RABEP1: variants seen among roughly 807,000 people sequenced by gnomAD.
RABEP1 encodes the protein rabaptin, RAB GTPase binding effector protein 1, also known as rab GTPase-binding effector protein 1.
RABEP1 carries 51 observed loss-of-function variants against 123.4 expected under a neutral mutation model. The observed-to-expected ratio is 0.41, with a 90% CI of 0.33 to 0.52. The LOEUF (loss-of-function observed/expected upper bound fraction) is 0.52, where lower values mean the gene tolerates loss of function less well. Among genes scored for constraint, RABEP1 ranks in the 20% least tolerant of loss-of-function variants. RABEP1 has a pLI of 0.16. For synonymous variants in RABEP1, 347 were observed against 355.2 expected (o/e 0.98, Z 0.26); for missense variants, 888 against 996.3 (o/e 0.89, Z 1.46).
At chr17:5,357,062 G>C (rs143116878) in intron 8 of RABEP1, among the ~76,000 whole-genome samples, 1 of 151,890 alleles carries the variant, frequency 6.6e-6, no homozygotes, top group Non-Finnish European at 1.5e-5. Context: ...ATTTTTAGTA[G>C]AGATGGGGTT....
At chr17:5,319,058 G>A (rs1000131992) in intron 2 of RABEP1, among the ~76,000 whole-genome samples, 7 of 152,046 alleles carry the variant, frequency 4.6e-5, no homozygotes, top group African/African-American at 1.7e-4. Context: ...TAGGCCGGGC[G>A]TGGTGGCTCA....
chr17:5,344,108 TAAG>T (rs1907861213), intron 5 of RABEP1, among the ~76,000 whole-genome samples: 1 of 152,190 alleles, frequency 6.6e-6, no homozygotes. Flanking sequence ...CTACAGACTA[TAAG>T]AAGATATCAA....
At chr17:5,367,529 A>G (rs1386647769) in intron 11 of RABEP1, among the ~76,000 whole-genome samples, 1 of 151,548 alleles carries the variant, frequency 6.6e-6, no homozygotes, top group Non-Finnish European at 1.5e-5. Context: ...TCGGCCTCCC[A>G]AAGTGCTAGG....
chr17:5,350,688 A>G (rs76696724), intron 7 of RABEP1, 59 bp downstream of exon 7: 33,942 of 1,557,712 alleles, frequency 0.022, 450 homozygotes, highest in Non-Finnish European at 0.027. Context: ...ACCACATGTG[A>G]TTGCATTACC....
chr17:5,375,718 AAAAG>A (rs949397216), intron 13 of RABEP1, among the ~76,000 whole-genome samples: 4 of 152,022 alleles, frequency 2.6e-5, no homozygotes, highest in Admixed American at 2.6e-4. Context: ...ATTAAAAAAA[AAAAG>A]GTTTTGGGAA....
chr17:5,362,751 T>G (rs760984274), intron 9 of RABEP1, among the ~76,000 whole-genome samples, 161 bp from the exon 10 acceptor site: 13 of 152,354 alleles, frequency 8.5e-5, no homozygotes, highest in Middle Eastern at 3.4e-3. Context: ...GTTTGATTTT[T>G]TAGAATCTGA....
At position 5,311,524 on chromosome 17, in the gene RABEP1, GTC is replaced by G. The variant is rs1214921743; in HGVS notation, c.163+2706_163+2707del. 7.9e-5 allele frequency among the ~76,000 whole-genome samples: 12 copies of G among 151,636 alleles called. No homozygotes were observed. The East Asian group carries it at 2.3e-3, about 29-fold the overall frequency. On this transcript the variant is annotated intron_variant, in intron 2 of 17. Coordinates refer to ENST00000537505, the MANE Select transcript of RABEP1 (RefSeq NM_004703.6). ...AGCTGGGCCAACATGGTGAAACTCT[GTC>G]TCTACAAAAAAAATACAAAAATTAG...
intron 17 of RABEP1, among the ~76,000 whole-genome samples, chr17:5,382,489 C>G (rs1402580095): frequency 6.6e-6 from 1 of 151,302 alleles, no homozygotes; most frequent in Non-Finnish European, 1.5e-5. Flanking sequence ...TGGCTCACGC[C>G]TATAATCCCA....
chr17:5,351,105 T>G (rs531790312), intron 7 of RABEP1, among the ~76,000 whole-genome samples: 35 of 152,038 alleles, frequency 2.3e-4, no homozygotes, highest in African/African-American at 7.7e-4. Flanking sequence ...AGACAGTTCT[T>G]CTTCAGTGTG....
In RABEP1 at chr17:5,384,842, AG is replaced by A. The variant is rs1402218223; in HGVS notation, c.*1623del. 1 of 218,138 alleles carries A rather than the reference AG, an allele frequency of 4.6e-6. No homozygotes were observed. The highest frequency in any genetic ancestry group is 2.2e-5 in the African/African-American group (1 of 44,698). 13.5% of individuals were successfully genotyped at this position (218,138 alleles called of 1,614,324 possible). The stretch of plus-strand genomic sequence containing the variant: ...AGGAAACATATAACTATTGAGTTAC[AG>A]GGGATTTTATTAATTATAAAATGCA... On this transcript the variant is annotated 3_prime_UTR_variant, in exon 18 of 18. Coordinates refer to ENST00000537505, the MANE Select transcript of RABEP1 (RefSeq NM_004703.6).
intron 1 of RABEP1, among the ~76,000 whole-genome samples, chr17:5,295,599 A>G (rs1433523023): frequency 6.6e-6 from 1 of 152,152 alleles, no homozygotes; most frequent in Non-Finnish European, 1.5e-5. Context: ...CAAAGTTTAC[A>G]TACATTTAAA....
At chr17:5,356,718 T>C (rs1320410319) in intron 8 of RABEP1, 1 of 152,996 alleles carries the variant, frequency 6.5e-6, no homozygotes, top group Admixed American at 6.6e-5. Context: ...TGGTGCAATC[T>C]TGGCTCACTG....
intron 3 of RABEP1, 45 bp downstream of exon 3, chr17:5,332,197 G>T (rs756634023): frequency 6.6e-7 from 1 of 1,514,348 alleles, no homozygotes; most frequent in African/African-American, 1.4e-5. Flanking sequence ...TAAGATATCC[G>T]ATTCTGATGA....
intron 8 of RABEP1, among the ~76,000 whole-genome samples, chr17:5,355,175 A>G (rs947594071): frequency 2.6e-5 from 4 of 152,192 alleles, no homozygotes; most frequent in Non-Finnish European, 5.9e-5. Flanking sequence ...ATTGACTCCC[A>G]TTACCTATAT....
chr17:5,355,974 T>G (rs184504476), intron 8 of RABEP1, among the ~76,000 whole-genome samples: 2 of 152,340 alleles, frequency 1.3e-5, no homozygotes, highest in Non-Finnish European at 2.9e-5. Flanking sequence ...TATCCAGGAA[T>G]GTTTGAAAAG....
At chr17:5,297,265 C>T (rs74827878) in intron 1 of RABEP1, among the ~76,000 whole-genome samples, 654 of 152,182 alleles carry the variant, frequency 4.3e-3, no homozygotes, top group Non-Finnish European at 8.0e-3. Flanking sequence ...TAAAATTGTA[C>T]ACAAGACTTT....
chr17:5,289,004 T>C (rs933753042), intron 1 of RABEP1, among the ~76,000 whole-genome samples: 29 of 152,282 alleles, frequency 1.9e-4, no homozygotes, highest in African/African-American at 7.0e-4. Flanking sequence ...CTGTGCCTGG[T>C]TGAAGTGTGG....
At chr17:5,322,726 C>T (rs1025936382) in intron 2 of RABEP1, among the ~76,000 whole-genome samples, 5 of 152,062 alleles carry the variant, frequency 3.3e-5, no homozygotes, top group African/African-American at 4.8e-5. Context: ...AAGGATGGTT[C>T]GATATACACA....
intron 11 of RABEP1, among the ~76,000 whole-genome samples, chr17:5,367,335 G>T (rs909845154): frequency 6.6e-6 from 1 of 151,394 alleles, no homozygotes; most frequent in Non-Finnish European, 1.5e-5. Context: ...GCAGTGGCAC[G>T]ATCTTGGCTC....
Sources: gnomAD v4.1 joint callset for allele counts (sites outside exome capture counted in the v4.1 genomes callset) on GRCh38, gnomAD v4.1.1 for gene constraint, MANE v1.5 for transcripts, NCBI Gene and HGNC (gene_info 2026-07-23, HGNC 2026-07-21) for gene names.